Variants in RAD18 observed in about 807,000 individuals in gnomAD.
RAD18 encodes RAD18 E3 ubiquitin protein ligase, also known as E3 ubiquitin-protein ligase RAD18.
Under a neutral mutation model 60.4 loss-of-function variants are expected in RAD18, and 47 were observed. That is an observed-to-expected ratio of 0.78 (90% confidence interval 0.62 to 0.99). The LOEUF (loss-of-function observed/expected upper bound fraction) is 0.99. RAD18 is among the 50% of genes least tolerant of loss of function. The probability of loss-of-function intolerance (pLI) is 0.00; values close to 1 mark genes in which losing one functional copy is unlikely to be tolerated. For synonymous variants in RAD18, 225 were observed against 195.5 expected (o/e 1.15, Z -1.26); for missense variants, 640 against 593.3 (o/e 1.08, Z -0.82).
intron 7 of RAD18, among the ~76,000 whole-genome samples, chr3:8,920,005 G>A (rs1002352083): frequency 1.6e-4 from 24 of 152,186 alleles, no homozygotes; most frequent in African/African-American, 4.8e-4. Flanking sequence ...AAGGCAGGCC[G>A]GGCGCAGTGG....
chr3:8,922,627 G>T (rs1466206359), intron 7 of RAD18, among the ~76,000 whole-genome samples: 1 of 152,196 alleles, frequency 6.6e-6, no homozygotes, highest in African/African-American at 2.4e-5. Context: ...CTTCAAGTGG[G>T]TCCCTGAACC....
rs766639371 is a variant in RAD18 at position 8,912,403 on chromosome 3, A to T, written c.967-31T>A. 46 of 1,428,744 alleles carry T rather than the reference A, an allele frequency of 3.2e-5. No homozygotes were observed. In the East Asian group the frequency reaches 1.1e-3, roughly 34 times the overall value. 88.5% of individuals were successfully genotyped at this position (1,428,744 alleles called of 1,614,324 possible). A position where few individuals can be genotyped will look rare whatever the true frequency, so the allele number is the denominator to read the frequency against. Reference sequence around the variant, plus strand: ...ATAATCAAAAAAAGACCTTAATAAAAATCTCCCCAAAATGACAAAAAGGGA... The same window carrying T: ...ATAATCAAAAAAAGACCTTAATAAATATCTCCCCAAAATGACAAAAAGGGA... On this transcript the variant is annotated intron_variant, in intron 8 of 12. Transcript: ENST00000264926.
intron 11 of RAD18, among the ~76,000 whole-genome samples, chr3:8,892,406 C>T (rs954448484): frequency 6.6e-6 from 1 of 152,180 alleles, no homozygotes; most frequent in Admixed American, 6.5e-5. Context: ...GTGAGAAAGA[C>T]TCACTGGCAA....
chr3:8,919,363 T>A (rs977161886), intron 7 of RAD18, among the ~76,000 whole-genome samples: 1 of 151,668 alleles, frequency 6.6e-6, no homozygotes, highest in Non-Finnish European at 1.5e-5. Flanking sequence ...ACCAGGAAAA[T>A]CACGACTCGA....
Position 8,939,655 on chromosome 3 carries a change from T to C in RAD18, c.605-2A>G, listed in dbSNP as rs1206932919. The C allele has an allele frequency of 1.2e-5, 19 of 1,605,588 alleles. No homozygotes were observed. The highest frequency in any genetic ancestry group is 1.7e-5 in the Admixed American group (1 of 59,196). On this transcript the variant is annotated splice_acceptor_variant, in intron 5 of 12. Coordinates refer to ENST00000264926, the MANE Select transcript of RAD18 (RefSeq NM_020165.4). LOFTEE classifies it high-confidence loss of function. ...TAACCCCGCAAACAGGACAATCCAC[T>C]GTATTTTTTAAAAAGAAAAAGAGAG...
At position 8,902,433 on chromosome 3, in the gene RAD18, ACT is replaced by A. The variant is rs763063468; in HGVS notation, c.1113_1114del (p.Val372AsnfsTer7). 2 of 1,610,476 alleles carry A rather than the reference ACT, an allele frequency of 1.2e-6. No individual in the cohort carries two copies. Among genetic ancestry groups the A allele is most frequent in the Non-Finnish European group, 1.7e-6 (2 of 1,177,694 alleles). On this transcript the variant is annotated frameshift_variant, in exon 10 of 13. Coordinates refer to ENST00000264926, the MANE Select transcript of RAD18 (RefSeq NM_020165.4). LOFTEE classifies it high-confidence loss of function. Reference sequence around the variant, plus strand: ...AGATTCATCTTCTTTTGTTATTGTTACTGTTTTTTGTGACATTCCAGCAATTT... The same window carrying A: ...AGATTCATCTTCTTTTGTTATTGTTAGTTTTTTGTGACATTCCAGCAATTT...
chr3:8,960,548 A>C (rs45553232), intron 1 of RAD18, among the ~76,000 whole-genome samples: 315 of 152,372 alleles, frequency 2.1e-3, no homozygotes, highest in African/African-American at 7.3e-3. Context: ...CCATTAAAAA[A>C]CATGCTTTCA....
At position 8,878,645 on chromosome 3, in the gene RAD18, T is replaced by C. The variant is rs1939405751; in HGVS notation, c.*2712A>G. ...CCTCCCTCTATTATATACATGGTCT[T>C]ATGTGTATGAATTCTTTTTTCAACT... On this transcript the variant is annotated 3_prime_UTR_variant, in exon 13 of 13. Transcript: ENST00000264926. 6.6e-6 allele frequency: 1 copy of C among 152,222 alleles called. No homozygotes were observed. Among genetic ancestry groups the C allele is most frequent in the African/African-American group, 2.4e-5 (1 of 41,454 alleles). The allele number at this position is 152,222 out of a possible 1,614,324, so 9.4% of individuals were successfully genotyped here. A position where few individuals can be genotyped will look rare whatever the true frequency, so the allele number is the denominator to read the frequency against.
chr3:8,944,322 T>C (rs1000374684), intron 4 of RAD18, among the ~76,000 whole-genome samples: 1 of 152,240 alleles, frequency 6.6e-6, no homozygotes, highest in African/African-American at 2.4e-5. Flanking sequence ...CAAAGAAAAC[T>C]CCAAGCCCAG....
At chr3:8,893,121 G>T (rs540790309) in intron 11 of RAD18, among the ~76,000 whole-genome samples, 11 of 152,228 alleles carry the variant, frequency 7.2e-5, no homozygotes, top group African/African-American at 2.2e-4. Context: ...CAATTTGCCC[G>T]AGAAAACCTG....
intron 11 of RAD18, among the ~76,000 whole-genome samples, chr3:8,898,255 G>A (rs7627245): frequency 0.098 from 14,844 of 151,956 alleles, 2,360 homozygotes; most frequent in African/African-American, 0.33. Context: ...ATAAACATAA[G>A]CTATTATGTT....
chr3:8,958,662 T>C (rs910968082), intron 2 of RAD18, among the ~76,000 whole-genome samples: 56 of 152,214 alleles, frequency 3.7e-4, no homozygotes, highest in Admixed American at 3.3e-4. Context: ...GAACCACTTA[T>C]TGTGACCAAA....
intron 4 of RAD18, 105 bp from the exon 5 acceptor site, chr3:8,941,909 G>A: frequency 9.5e-7 from 1 of 1,054,764 alleles, no homozygotes; most frequent in Non-Finnish European, 1.4e-6. Flanking sequence ...CTGAAATACA[G>A]GACCTATACT....
intron 7 of RAD18, among the ~76,000 whole-genome samples, chr3:8,927,854 G>C (rs1424739765): frequency 1.3e-5 from 2 of 148,826 alleles, no homozygotes; most frequent in African/African-American, 5.0e-5. Flanking sequence ...GGTGGGAACT[G>C]AACAATGACA....
At chr3:8,927,643 A>G (rs1940465158) in intron 7 of RAD18, among the ~76,000 whole-genome samples, 1 of 152,234 alleles carries the variant, frequency 6.6e-6, no homozygotes, top group South Asian at 2.1e-4. Flanking sequence ...CACAATGGCA[A>G]AGACTAGGAA....
chr3:8,921,794 G>A (rs567995141), intron 7 of RAD18, among the ~76,000 whole-genome samples: 30 of 152,266 alleles, frequency 2.0e-4, no homozygotes, highest in African/African-American at 7.2e-4. Context: ...TGCTGAAAAT[G>A]GTAAATGTGT....
intron 2 of RAD18, among the ~76,000 whole-genome samples, chr3:8,949,601 CA>C (rs1241505229): frequency 1.4e-4 from 22 of 152,244 alleles, no homozygotes; most frequent in Non-Finnish European, 1.5e-5. Context: ...ACTGAAAAAC[CA>C]ACAACTTTTC....
At chr3:8,890,124 T>C in intron 12 of RAD18, 1 of 460,208 alleles carries the variant, frequency 2.2e-6, no homozygotes, top group South Asian at 2.5e-5. Context: ...TGTTAAGTGA[T>C]GCATGACTGT....
At chr3:8,943,336 G>GAA (rs58752517) in intron 4 of RAD18, among the ~76,000 whole-genome samples, 17 of 149,992 alleles carry the variant, frequency 1.1e-4, no homozygotes, top group East Asian at 3.9e-4. Context: ...ACATGTTAAA[G>GAA]AAAAAAAAAG....
Sources: allele counts gnomAD v4.1 joint callset (sites outside exome capture counted in the v4.1 genomes callset), GRCh38; gene constraint gnomAD v4.1.1; transcripts MANE v1.5; gene names NCBI Gene and HGNC (gene_info 2026-07-23, HGNC 2026-07-21).